Variants in DPP10 observed in about 807,000 individuals in gnomAD.
DPP10 encodes the protein dipeptidyl peptidase like 10.
In DPP10, 33 loss-of-function variants were observed where a neutral mutation model predicts 120.9. The observed-to-expected ratio is 0.27, with a 90% confidence interval of 0.21 to 0.37. The LOEUF is 0.37. Ranked by LOEUF, DPP10 falls within the 10% of genes least tolerant of loss-of-function variation. The probability of loss-of-function intolerance (pLI) is 1.00; values close to 1 mark genes in which losing one functional copy is unlikely to be tolerated. For missense variants in DPP10, 816 were observed against 942.8 expected, an observed-to-expected ratio of 0.87 and a Z score of 1.76; for synonymous variants, 337 against 326.1, an observed-to-expected ratio of 1.03 and a Z score of -0.36.
chr2:115,568,633 G>C (rs2081163354), intron 5 of DPP10, among the ~76,000 whole-genome samples: 1 of 149,140 alleles, frequency 6.7e-6, no homozygotes, highest in Middle Eastern at 3.5e-3. Context: ...TTTCTATCGC[G>C]TACTTGGTCG....
At chr2:114,799,609 A>G (rs977598970) in intron 1 of DPP10, among the ~76,000 whole-genome samples, 2 of 152,154 alleles carry the variant, frequency 1.3e-5, no homozygotes, top group African/African-American at 4.8e-5. Context: ...GAAAGGGGGT[A>G]CTCATTTTTT....
intron 1 of DPP10, among the ~76,000 whole-genome samples, chr2:115,107,001 G>T (rs1037864259): frequency 1.3e-5 from 2 of 151,760 alleles, no homozygotes; most frequent in Non-Finnish European, 2.9e-5. Context: ...CGTGAACCCG[G>T]GAGGCGGAGC....
chr2:115,294,434 G>GT (rs1180076565), intron 1 of DPP10, among the ~76,000 whole-genome samples: 1,569 of 148,116 alleles, frequency 0.011, 24 homozygotes, highest in African/African-American at 0.039. Context: ...TTTTGTTTTT[G>GT]TTTTTTTTTG....
intron 7 of DPP10, among the ~76,000 whole-genome samples, chr2:115,709,997 G>GAA (rs1283987079): frequency 1.3e-5 from 2 of 152,014 alleles, no homozygotes; most frequent in African/African-American, 4.8e-5. Context: ...CGAAACTGTT[G>GAA]AAAACTAAAG....
intron 19 of DPP10, among the ~76,000 whole-genome samples, chr2:115,800,967 T>C (rs1262646436): frequency 6.6e-6 from 1 of 152,190 alleles, no homozygotes; most frequent in East Asian, 1.9e-4. Context: ...TCCAATTCTG[T>C]GAAGAAAGTC....
chr2:115,817,459 A>C (rs374204675), intron 21 of DPP10, among the ~76,000 whole-genome samples: 3 of 152,248 alleles, frequency 2.0e-5, no homozygotes, highest in African/African-American at 7.2e-5. Flanking sequence ...TGTATAAAAA[A>C]CCACTTAAGA....
intron 1 of DPP10, among the ~76,000 whole-genome samples, chr2:114,570,397 A>T (rs933110868): frequency 1.3e-5 from 2 of 152,110 alleles, no homozygotes; most frequent in African/African-American, 4.8e-5. Flanking sequence ...TCCAACCAAC[A>T]TATCTAGAAG....
intron 1 of DPP10, among the ~76,000 whole-genome samples, chr2:114,672,051 G>A (rs781332759): frequency 2.6e-5 from 4 of 151,924 alleles, no homozygotes; most frequent in Admixed American, 6.6e-5. Context: ...TTTCCTCATG[G>A]TGCTATTATG....
chr2:114,910,549 AT>A (rs2106635325), intron 1 of DPP10, among the ~76,000 whole-genome samples: 1 of 152,128 alleles, frequency 6.6e-6, no homozygotes, highest in South Asian at 2.1e-4. Context: ...ATCTAATAAT[AT>A]TTTTACTACA....
intron 1 of DPP10, among the ~76,000 whole-genome samples, chr2:115,012,357 C>G (rs1025014008): frequency 6.6e-6 from 1 of 152,122 alleles, no homozygotes; most frequent in Non-Finnish European, 1.5e-5. Context: ...AGCACCACCT[C>G]CTGGCTGGAG....
chr2:114,968,056 A>G lies in DPP10; in HGVS notation c.61-341183A>G, dbSNP rs542938686. On this transcript the variant is annotated intron_variant, in intron 1 of 25. Coordinates refer to ENST00000410059, the MANE Select transcript of DPP10 (RefSeq NM_020868.6). ...CTCTGTCCATACAGCCACCCAAGGGATTTTCCACATAAGCAAACCTCATTA... is the reference window on the plus strand; with the variant it reads ...CTCTGTCCATACAGCCACCCAAGGGGTTTTCCACATAAGCAAACCTCATTA... Among the ~76,000 whole-genome samples, 4 of 152,258 alleles carry G rather than the reference A, an allele frequency of 2.6e-5. No homozygotes were observed. The East Asian group carries it at 5.8e-4, about 22-fold the overall frequency.
intron 1 of DPP10, among the ~76,000 whole-genome samples, chr2:114,587,520 A>G (rs1285912792): frequency 3.3e-5 from 5 of 151,986 alleles, no homozygotes; most frequent in Non-Finnish European, 7.4e-5. Flanking sequence ...ATATTTATCA[A>G]GCTGCAGACA....
At chr2:115,799,096 A>T (rs1394210628) in intron 19 of DPP10, among the ~76,000 whole-genome samples, 2 of 152,066 alleles carry the variant, frequency 1.3e-5, no homozygotes, top group East Asian at 3.9e-4. Flanking sequence ...TAAGGTTCCA[A>T]TATATTGCTA....
chr2:114,881,698 A>G (rs1373261559), intron 1 of DPP10, among the ~76,000 whole-genome samples: 1 of 152,114 alleles, frequency 6.6e-6, no homozygotes. Context: ...AGACCTGAGG[A>G]ATAATTATGT....
At chr2:115,020,013 G>C (rs999195532) in intron 1 of DPP10, among the ~76,000 whole-genome samples, 1 of 152,006 alleles carries the variant, frequency 6.6e-6, no homozygotes, top group Admixed American at 6.6e-5. Context: ...CTGCCAAAAG[G>C]AGCATGAAAT....
intron 2 of DPP10, among the ~76,000 whole-genome samples, chr2:115,337,419 A>G (rs1253243109): frequency 6.6e-6 from 1 of 152,000 alleles, no homozygotes; most frequent in East Asian, 1.9e-4. Context: ...AGGAAAGAAA[A>G]CTTATTTTTG....
intron 5 of DPP10, among the ~76,000 whole-genome samples, chr2:115,683,986 A>C (rs2090825416): frequency 6.6e-6 from 1 of 151,942 alleles, no homozygotes; most frequent in African/African-American, 2.4e-5. Flanking sequence ...AATTGATTTT[A>C]AATGCCATCC....
At chr2:114,917,491 A>AT (rs1694889992) in intron 1 of DPP10, among the ~76,000 whole-genome samples, 1 of 152,170 alleles carries the variant, frequency 6.6e-6, no homozygotes, top group African/African-American at 2.4e-5. Context: ...CCAAAAAAGG[A>AT]GCCTGAATAG....
At chr2:115,830,609 C>T (rs1312766555) in intron 21 of DPP10, among the ~76,000 whole-genome samples, 1 of 151,974 alleles carries the variant, frequency 6.6e-6, no homozygotes, top group African/African-American at 2.4e-5. Flanking sequence ...ATATGGAAAA[C>T]ATGTAAACTA....
Sources: gnomAD v4.1 joint callset for allele counts (sites outside exome capture counted in the v4.1 genomes callset) on GRCh38, gnomAD v4.1.1 for gene constraint, MANE v1.5 for transcripts, NCBI Gene and HGNC (gene_info 2026-07-23, HGNC 2026-07-21) for gene names.